Variants in CRACR2A observed in about 807,000 individuals in gnomAD.
CRACR2A encodes the protein calcium release activated channel regulator 2A.
In CRACR2A, 79 loss-of-function variants were observed where a neutral mutation model predicts 90.5. That is an observed-to-expected ratio of 0.87 (90% CI 0.73 to 1.05). CRACR2A has a LOEUF of 1.05. Among genes scored for constraint, CRACR2A ranks in the 50% least tolerant of loss-of-function variants. CRACR2A has a pLI of 0.00. For missense variants in CRACR2A, 823 were observed against 897.2 expected (o/e 0.92, Z 1.06); for synonymous variants, 338 against 356.7 (o/e 0.95, Z 0.59).
At chr12:3,677,160 G>A (rs1353124637) in intron 6 of CRACR2A, among the ~76,000 whole-genome samples, 1 of 152,068 alleles carries the variant, frequency 6.6e-6, no homozygotes, top group Non-Finnish European at 1.5e-5. Context: ...AGGATTCTGG[G>A]AGGTTTATCA....
chr12:3,720,033 C>T (rs1946132402), intron 2 of CRACR2A, among the ~76,000 whole-genome samples: 1 of 151,640 alleles, frequency 6.6e-6, no homozygotes, highest in African/African-American at 2.4e-5. Flanking sequence ...GCAGGAGAAT[C>T]GCTTGAACCC....
intron 5 of CRACR2A, 85 bp downstream of exon 5, chr12:3,680,153 C>A (rs574431444): frequency 2.7e-6 from 3 of 1,111,874 alleles, no homozygotes; most frequent in East Asian, 2.5e-5. Flanking sequence ...ACCTGCCCCC[C>A]AGGTCTACAA....
rs1186258281 is a variant in CRACR2A at position 3,711,342 on chromosome 12, A to T, written c.-37+1895T>A. ...TAGTCCTCCTCTCAAATTTTACTTT[A>T]AGCAGTCGAGAGAAACTAGGCCACT... On this transcript the variant is annotated intron_variant, in intron 3 of 19. Coordinates refer to ENST00000440314, the MANE Select transcript of CRACR2A (RefSeq NM_001144958.2). This position sits in a 1 kb window ranked among gnomAD's most constrained non-coding sequence, Gnocchi z 4.3. Among the ~76,000 whole-genome samples, 2 of 152,206 alleles carry T rather than the reference A, an allele frequency of 1.3e-5. No homozygotes were observed. Among genetic ancestry groups the T allele is most frequent in the African/African-American group, 4.8e-5 (2 of 41,454 alleles).
intron 13 of CRACR2A, 85 bp downstream of exon 13, chr12:3,641,647 G>A: frequency 8.1e-7 from 1 of 1,227,672 alleles, no homozygotes; most frequent in Non-Finnish European, 1.2e-6. Context: ...CTCTCAAGGG[G>A]TCAGCAGGCA....
At chr12:3,733,498 TA>T (rs1946394203) in intron 1 of CRACR2A, among the ~76,000 whole-genome samples, 1 of 152,136 alleles carries the variant, frequency 6.6e-6, no homozygotes, top group Non-Finnish European at 1.5e-5. Flanking sequence ...GGAGCCCTGC[TA>T]GGGGTGCTCG....
intron 6 of CRACR2A, among the ~76,000 whole-genome samples, chr12:3,678,658 G>A (rs1323130556): frequency 6.6e-6 from 1 of 152,060 alleles, no homozygotes; most frequent in Non-Finnish European, 1.5e-5. Flanking sequence ...GAGGAAGGTA[G>A]AGGGGGTGGG....
chr12:3,647,201 C>A (rs1213571663), intron 11 of CRACR2A, among the ~76,000 whole-genome samples: 1 of 149,800 alleles, frequency 6.7e-6, no homozygotes, highest in Non-Finnish European at 1.5e-5. Context: ...GTCCCCCACC[C>A]CCACCTCAGC....
At chr12:3,708,092 C>T (rs966135359) in intron 3 of CRACR2A, among the ~76,000 whole-genome samples, 1 of 152,142 alleles carries the variant, frequency 6.6e-6, no homozygotes, top group African/African-American at 2.4e-5. Context: ...CGTGTGCTTT[C>T]GCTTCTATCT....
chr12:3,658,397 G>A (rs1944956718), intron 8 of CRACR2A, among the ~76,000 whole-genome samples: 1 of 152,118 alleles, frequency 6.6e-6, no homozygotes, highest in Non-Finnish European at 1.5e-5. Context: ...GAGGTGGGGT[G>A]GGGAGCTGCT....
chr12:3,734,275 C>A (rs980978770), intron 1 of CRACR2A, among the ~76,000 whole-genome samples: 2 of 152,062 alleles, frequency 1.3e-5, no homozygotes. Context: ...CCCCACCCGG[C>A]CTGTATTTTC....
At position 3,722,658 on chromosome 12, in the gene CRACR2A, C is replaced by T. The variant is rs117520767; in HGVS notation, c.-117-9341G>A. Among the ~76,000 whole-genome samples, 284 of 152,310 alleles carry T rather than the reference C, an allele frequency of 1.9e-3. 6 individuals are homozygous for T. The East Asian group carries it at 0.036, about 19-fold the overall frequency. On this transcript the variant is annotated intron_variant, in intron 2 of 19. Coordinates refer to ENST00000440314, the MANE Select transcript of CRACR2A (RefSeq NM_001144958.2). Reference sequence around the variant, plus strand: ...ACAGGACACACAGTACCAACAGGGACTCATCCTTGCCTTATTAGAATAGCT... The same window carrying T: ...ACAGGACACACAGTACCAACAGGGATTCATCCTTGCCTTATTAGAATAGCT...
chr12:3,666,364 T>TGTGC (rs765943563), intron 7 of CRACR2A, among the ~76,000 whole-genome samples: 6 of 149,600 alleles, frequency 4.0e-5, no homozygotes, highest in South Asian at 4.3e-4. Flanking sequence ...TGCGTGCGTG[T>TGTGC]GCGCGTGCGC....
intron 10 of CRACR2A, among the ~76,000 whole-genome samples, chr12:3,649,379 C>T (rs1400257091): frequency 6.6e-6 from 1 of 152,134 alleles, no homozygotes; most frequent in Non-Finnish European, 1.5e-5. Context: ...ATTTGTATTA[C>T]CTTCCCTCCC....
At position 3,629,465 on chromosome 12, in the gene CRACR2A, C is replaced by G. The variant is rs59971423; in HGVS notation, c.1736-1759G>C. Among the ~76,000 whole-genome samples the G allele has an allele frequency of 2.3e-3, 356 of 152,328 alleles. 4 individuals carry two copies. In the East Asian group the frequency reaches 0.044, roughly 19 times the overall value. On this transcript the variant is annotated intron_variant, in intron 15 of 19. Transcript: ENST00000440314. ...TCTGGGAGACAGAAGGGGCTGCCTG[C>G]TTTCTGGTAACAACTCAGGGGAAAG...
intron 14 of CRACR2A, among the ~76,000 whole-genome samples, chr12:3,636,947 G>A (rs1172759850): frequency 6.6e-6 from 1 of 152,252 alleles, no homozygotes; most frequent in Non-Finnish European, 1.5e-5. Context: ...CGGCGTGCAG[G>A]GCGGAGCCTC....
chr12:3,748,401 T>C (rs1322917813), intron 1 of CRACR2A, among the ~76,000 whole-genome samples: 1 of 152,042 alleles, frequency 6.6e-6, no homozygotes, highest in African/African-American at 2.4e-5. Flanking sequence ...GCCAGCCCCA[T>C]CCAGGATGTG....
intron 3 of CRACR2A, among the ~76,000 whole-genome samples, chr12:3,705,948 A>C (rs1359381495): frequency 1.3e-5 from 2 of 152,148 alleles, no homozygotes; most frequent in African/African-American, 4.8e-5. Flanking sequence ...GACCAATTTC[A>C]ACCTACCAAC....
At chr12:3,634,639 G>A (rs951470842) in intron 14 of CRACR2A, among the ~76,000 whole-genome samples, 8 of 152,230 alleles carry the variant, frequency 5.3e-5, no homozygotes, top group African/African-American at 1.4e-4. Context: ...CCAGCTCAGC[G>A]TTGCCTGGTC....
At chr12:3,693,106 G>A (rs963682148) in intron 4 of CRACR2A, among the ~76,000 whole-genome samples, 2 of 152,200 alleles carry the variant, frequency 1.3e-5, no homozygotes, top group African/African-American at 4.8e-5. Context: ...TGCTGGCAGG[G>A]CAAGGAAGGC....
Sources: allele counts gnomAD v4.1 joint callset (sites outside exome capture counted in the v4.1 genomes callset), GRCh38; gene constraint gnomAD v4.1.1; non-coding constraint Gnocchi (gnomAD v3.1); transcripts MANE v1.5; gene names NCBI Gene and HGNC (gene_info 2026-07-23, HGNC 2026-07-21).